CNDP1: variants seen among roughly 807,000 people sequenced by gnomAD.
CNDP1 encodes the protein beta-Ala-His dipeptidase.
In CNDP1, 44 loss-of-function variants were observed where a neutral mutation model predicts 58.1. The ratio of observed to expected loss-of-function variants is 0.76; its 90% CI spans 0.60 to 0.97. CNDP1 has a LOEUF of 0.97. Ranked by LOEUF, CNDP1 falls within the 50% of genes least tolerant of loss-of-function variation. The pLI is 0.00. For missense variants in CNDP1, 616 were observed against 655.1 expected (o/e 0.94, Z 0.65); for synonymous variants, 254 against 252.6 (o/e 1.01, Z -0.05).
intron 9 of CNDP1, among the ~76,000 whole-genome samples, chr18:74,578,754 A>G (rs1981699576): frequency 6.6e-6 from 1 of 152,258 alleles, no homozygotes; most frequent in Non-Finnish European, 1.5e-5. Flanking sequence ...ATATAAAAGC[A>G]AGATTGGTTT....
chr18:74,534,924 A>T (rs1241772319), intron 1 of CNDP1, among the ~76,000 whole-genome samples: 1 of 152,210 alleles, frequency 6.6e-6, no homozygotes, highest in Non-Finnish European at 1.5e-5. Flanking sequence ...ATTAAATGGC[A>T]TTATTGTCAA....
chr18:74,549,968 C>T (rs139777459), intron 1 of CNDP1, among the ~76,000 whole-genome samples: 290 of 152,330 alleles, frequency 1.9e-3, no homozygotes, highest in African/African-American at 6.4e-3. Flanking sequence ...GGGAGGCTTG[C>T]CAGCCTCTAC....
intron 1 of CNDP1, among the ~76,000 whole-genome samples, chr18:74,552,260 T>C (rs1273796973): frequency 1.3e-5 from 2 of 152,278 alleles, no homozygotes; most frequent in Non-Finnish European, 2.9e-5. Flanking sequence ...GTTATAGCTA[T>C]GATTATTTTT....
At chr18:74,570,205 ATAATAATAATAAT>A (rs983889800) in intron 6 of CNDP1, among the ~76,000 whole-genome samples, 12 of 70,200 alleles carry the variant, frequency 1.7e-4, no homozygotes, top group South Asian at 9.8e-4. Context: ...TCTCAAAATA[ATAATAATAATAAT>A]TAATAATAAT....
At chr18:74,579,189 CCTTCCCTTCCCTTG>C (rs1981717991) in intron 9 of CNDP1, among the ~76,000 whole-genome samples, 66 of 58,550 alleles carry the variant, frequency 1.1e-3, no homozygotes, top group South Asian at 2.4e-3. Context: ...TTCTCCCTTT[CCTTCCCTTCCCTTG>C]CCTTCCCTTC....
At chr18:74,573,444 G>GTATC (rs1160578646) in intron 7 of CNDP1, among the ~76,000 whole-genome samples, 3 of 147,220 alleles carry the variant, frequency 2.0e-5, no homozygotes, top group Non-Finnish European at 3.0e-5. Context: ...ATCTATCTAT[G>GTATC]TATCTATGTA....
At chr18:74,539,819 A>G (rs1176982263) in intron 1 of CNDP1, among the ~76,000 whole-genome samples, 1 of 152,230 alleles carries the variant, frequency 6.6e-6, no homozygotes, top group East Asian at 1.9e-4. Flanking sequence ...CCTATCAGCC[A>G]GTTCCAACAA....
In CNDP1 at chr18:74,559,479, T is replaced by A; in HGVS notation, c.303+7T>A. Reference sequence around the variant, plus strand: ...GGACATGGGTCCTCAGCAGGTGCTGTACGATTCCCTCCCACTGAGGGAGGT... The same window carrying A: ...GGACATGGGTCCTCAGCAGGTGCTGAACGATTCCCTCCCACTGAGGGAGGT... On this transcript the variant is annotated splice_region_variant and intron_variant, in intron 3 of 11. Transcript: ENST00000358821. 1.9e-6 allele frequency: 3 copies of A among 1,598,080 alleles called. No individual in the cohort carries two copies. Among genetic ancestry groups the A allele is most frequent in the Non-Finnish European group, 1.7e-6 (2 of 1,176,530 alleles).
intron 2 of CNDP1, among the ~76,000 whole-genome samples, chr18:74,558,858 A>G (rs1483757631): frequency 1.3e-5 from 2 of 152,086 alleles, no homozygotes; most frequent in African/African-American, 4.8e-5. Context: ...CTAAATGCAG[A>G]GCATGTTAGG....
chr18:74,537,758 G>A lies in CNDP1; in HGVS notation c.24+3067G>A, dbSNP rs187445145. 1.0e-3 allele frequency among the ~76,000 whole-genome samples: 157 copies of A among 152,232 alleles called. 1 individual carries two copies. The East Asian group carries it at 0.024, about 23-fold the overall frequency. ...CACTCCGGGCAAAGAGTGGTACCTG[G>A]GATATGGACTCTGGGACCAGGAAGC... On this transcript the variant is annotated intron_variant, in intron 1 of 11. Coordinates refer to ENST00000358821, the MANE Select transcript of CNDP1 (RefSeq NM_032649.6).
chr18:74,564,414 A>T (rs1235036136), intron 5 of CNDP1, among the ~76,000 whole-genome samples: 2 of 152,222 alleles, frequency 1.3e-5, no homozygotes, highest in East Asian at 3.8e-4. Context: ...ACTAGAAAAA[A>T]ACTCAAGTTC....
At chr18:74,582,265 G>A (rs140638663) in intron 10 of CNDP1, among the ~76,000 whole-genome samples, 130 of 152,274 alleles carry the variant, frequency 8.5e-4, no homozygotes, top group African/African-American at 2.7e-3. Context: ...TTCGATTCAC[G>A]TCCACATCTT....
At position 74,576,900 on chromosome 18, in the gene CNDP1, G is replaced by A. The variant is rs751779374; in HGVS notation, c.873G>A (p.Leu291=). Residue 291 remains leucine (L), a synonymous_variant, in exon 8 of 12, where the codon CTG becomes CTA. Transcript: ENST00000358821. The stretch of plus-strand genomic sequence containing the variant: ...TGGTAGACTCGTCTGGTCATATCCT[G>A]GTCCCTGGAATCTATGATGAAGTGG... ...GSLVDSSGHI[L]VPGIYDEVVP... The A allele has an allele frequency of 6.2e-7, 1 of 1,612,966 alleles. No individual in the cohort carries two copies. The highest frequency in any genetic ancestry group is 8.5e-7 in the Non-Finnish European group (1 of 1,179,562).
intron 10 of CNDP1, among the ~76,000 whole-genome samples, chr18:74,582,253 A>G (rs979287118): frequency 1.3e-5 from 2 of 152,196 alleles, no homozygotes; most frequent in Non-Finnish European, 2.9e-5. Flanking sequence ...GAGGCACATC[A>G]CTTCGATTCA....
At chr18:74,559,265 C>G in intron 2 of CNDP1, 58 bp from the exon 3 acceptor site, 1 of 1,585,698 alleles carries the variant, frequency 6.3e-7, no homozygotes. Context: ...CCCTTCGCTC[C>G]CCCCGCAGAG....
In CNDP1 at chr18:74,583,439, T is replaced by TA. The variant is rs1180231269; in HGVS notation, c.1310-115dup. 1.9e-5 allele frequency: 15 copies of TA among 802,604 alleles called. No individual in the cohort carries two copies. The Admixed American group carries it at 1.9e-4, about 10-fold the overall frequency. The allele number at this position is 802,604 out of a possible 1,614,324, so 49.7% of individuals were successfully genotyped here. ...TACCCCAAAGCACCAAATCTAATGG[T>TA]AAAAAAAGAAAGATTAACAAGGAAA... On this transcript the variant is annotated intron_variant, in intron 10 of 11. Transcript: ENST00000358821.
chr18:74,539,759 T>G (rs1036486053), intron 1 of CNDP1, among the ~76,000 whole-genome samples: 5 of 152,118 alleles, frequency 3.3e-5, no homozygotes, highest in African/African-American at 1.2e-4. Flanking sequence ...TAATGGAAAG[T>G]TTCAAACATG....
chr18:74,562,287 C>T (rs777233737), intron 5 of CNDP1, 152 bp downstream of exon 5: 2 of 674,906 alleles, frequency 3.0e-6, no homozygotes, highest in African/African-American at 3.6e-5. Flanking sequence ...ATCCATTTTG[C>T]AGATAAGGAC....
At position 74,580,145 on chromosome 18, in the gene CNDP1, G is replaced by A. The variant is rs1360976142; in HGVS notation, c.1183G>A (p.Glu395Lys). ...AVEKQVTRHL[E>K]DVFSKRNSSN... ...CACCTTTTAGGTGACACGACATCTT[G>A]AAGATGTGTTCTCCAAAAGAAATAG... Residue 395 changes from glutamate (E) to lysine (K), a missense_variant, in exon 10 of 12, where the codon GAA (glutamate) becomes AAA (lysine). By Grantham distance (56) the Glu-to-Lys change is moderately conservative. Coordinates refer to ENST00000358821, the MANE Select transcript of CNDP1 (RefSeq NM_032649.6). 6.2e-7 allele frequency: 1 copy of A among 1,613,220 alleles called. No homozygotes were observed. Among genetic ancestry groups the A allele is most frequent in the Admixed American group, 1.7e-5 (1 of 59,934 alleles).
Sources: gnomAD v4.1 joint callset for allele counts (sites outside exome capture counted in the v4.1 genomes callset) on GRCh38, gnomAD v4.1.1 for gene constraint, MANE v1.5 for transcripts, NCBI Gene and HGNC (gene_info 2026-07-23, HGNC 2026-07-21) for gene names.